Variants in PCDHA7 observed in about 807,000 individuals in gnomAD.
PCDHA7 encodes the protein protocadherin alpha 7, also known as protocadherin alpha-7.
In PCDHA7, 37 loss-of-function variants were observed where a neutral mutation model predicts 57.2. The ratio of observed to expected loss-of-function variants is 0.65; its 90% confidence interval spans 0.50 to 0.85. The LOEUF (loss-of-function observed/expected upper bound fraction) is 0.85, where lower values mean the gene tolerates loss of function less well. Ranked by LOEUF, PCDHA7 falls within the 40% of genes least tolerant of loss-of-function variation. The pLI, the probability that PCDHA7 is intolerant of heterozygous loss-of-function variation, is 0.00. For synonymous variants in PCDHA7, 553 were observed against 558.8 expected, an observed-to-expected ratio of 0.99 and a Z score of 0.15; for missense variants, 1,188 against 1,241.8, an observed-to-expected ratio of 0.96 and a Z score of 0.65.
chr5:140,860,530 T>C (rs1210536247), intron 1 of PCDHA7: 1 of 152,180 alleles, frequency 6.6e-6, no homozygotes, highest in Non-Finnish European at 1.5e-5. Flanking sequence ...GAATTCTGAT[T>C]TGTAAGACAA....
intron 1 of PCDHA7, among the ~76,000 whole-genome samples, chr5:140,895,253 C>A (rs2153449431): frequency 6.6e-6 from 1 of 152,084 alleles, no homozygotes; most frequent in East Asian, 1.9e-4. Context: ...TCAAAGCTTT[C>A]TTTTTTTTCT....
chr5:140,876,761 G>C (rs1554168887), intron 1 of PCDHA7: 2 of 1,614,238 alleles, frequency 1.2e-6, no homozygotes, highest in East Asian at 2.2e-5. Context: ...GCGCGGGATG[G>C]GGGCTCGCCT....
chr5:140,857,329 G>T (rs781793178), intron 1 of PCDHA7: 1 of 1,598,568 alleles, frequency 6.3e-7, no homozygotes. Context: ...TGACCGCGCG[G>T]GACGGGGGCT....
chr5:140,843,792 GT>G, intron 1 of PCDHA7: 1 of 1,356,394 alleles, frequency 7.4e-7, no homozygotes, highest in South Asian at 1.4e-5. Flanking sequence ...TTCAGATTTA[GT>G]TTTTCACCGT....
rs781872854 is a variant in PCDHA7 at position 140,856,136 on chromosome 5, C to T, written c.2355+19398C>T. On this transcript the variant is annotated intron_variant, in intron 1 of 3. Coordinates refer to ENST00000525929, the MANE Select transcript of PCDHA7 (RefSeq NM_018910.3). ...AGCCTGGGAGGTGGGGAGCGGCCAGCTCCACTACTCAGTCTACGAGGAGGC... is the reference window on the plus strand; with the variant it reads ...AGCCTGGGAGGTGGGGAGCGGCCAGTTCCACTACTCAGTCTACGAGGAGGC... 28 of 1,598,232 alleles carry T rather than the reference C, an allele frequency of 1.8e-5. 1 individual carries two copies. Among genetic ancestry groups the T allele is most frequent in the Non-Finnish European group, 2.4e-5 (28 of 1,167,860 alleles).
chr5:140,911,885 A>T (rs1242639819), intron 1 of PCDHA7, among the ~76,000 whole-genome samples: 1 of 152,216 alleles, frequency 6.6e-6, no homozygotes, highest in Non-Finnish European at 1.5e-5. Flanking sequence ...TCCTGGGACC[A>T]AAATCTGTAT....
intron 1 of PCDHA7, chr5:140,966,401 C>G (rs1218132824): frequency 2.5e-6 from 1 of 404,878 alleles, no homozygotes; most frequent in African/African-American, 2.1e-5. Flanking sequence ...CACTTCGGCG[C>G]GGAATCAGAG....
intron 1 of PCDHA7, chr5:140,843,282 A>T (rs2150356425): frequency 6.3e-6 from 10 of 1,595,910 alleles, no homozygotes; most frequent in Non-Finnish European, 7.7e-6. Context: ...GTGAAGGATC[A>T]TGGTGAACCT....
At position 140,990,592 on chromosome 5, in the gene PCDHA7, C is replaced by T. The variant is rs150978794; in HGVS notation, c.2503+8029C>T. On this transcript the variant is annotated intron_variant, in intron 3 of 3. Coordinates refer to ENST00000525929, the MANE Select transcript of PCDHA7 (RefSeq NM_018910.3). ...GTTCGATCTCTTTTCCTATAATCAC[C>T]TGGAGTCAGATGAATACCGTAAAGG... 2.7e-3 allele frequency among the ~76,000 whole-genome samples: 412 copies of T among 152,286 alleles called. 2 individuals are homozygous for T. Among genetic ancestry groups the T allele is most frequent in the African/African-American group, 9.5e-3 (395 of 41,556 alleles).
At chr5:140,965,893 C>G (rs1173111476) in intron 1 of PCDHA7, among the ~76,000 whole-genome samples, 1 of 152,226 alleles carries the variant, frequency 6.6e-6, no homozygotes, top group Non-Finnish European at 1.5e-5. Context: ...AGAATTGAGT[C>G]TTGGATCCCA....
At chr5:140,996,590 C>G (rs1325471388) in intron 3 of PCDHA7, among the ~76,000 whole-genome samples, 7 of 152,096 alleles carry the variant, frequency 4.6e-5, no homozygotes, top group African/African-American at 1.7e-4. Context: ...CAAGGGCCGC[C>G]TCCCCCCATT....
At chr5:140,957,189 G>T (rs1376112973) in intron 1 of PCDHA7, among the ~76,000 whole-genome samples, 1 of 152,174 alleles carries the variant, frequency 6.6e-6, no homozygotes, top group South Asian at 2.1e-4. Context: ...ATTGATGACC[G>T]ATTGGGAATA....
chr5:140,923,551 T>C (rs1398661049), intron 1 of PCDHA7, among the ~76,000 whole-genome samples: 1 of 152,146 alleles, frequency 6.6e-6, no homozygotes, highest in Non-Finnish European at 1.5e-5. Flanking sequence ...AAATGAAATA[T>C]CAGCAATGAA....
At chr5:140,927,118 G>C in intron 1 of PCDHA7, 1 of 1,613,946 alleles carries the variant, frequency 6.2e-7, no homozygotes, top group Non-Finnish European at 8.5e-7. Context: ...CGGCAATTTG[G>C]TGGTCAGAGA....
rs566700844 is a variant in PCDHA7, at chr5:140,926,191, C to T, written c.2356-52758C>T. On this transcript the variant is annotated intron_variant, in intron 1 of 3. Coordinates refer to ENST00000525929, the MANE Select transcript of PCDHA7 (RefSeq NM_018910.3). Reference sequence around the variant, plus strand: ...CCAGCGCGGAAAGCCCCCCGCAGCACTTCTTTCGGGGGGCTCCTGTTTCCT... The same window carrying T: ...CCAGCGCGGAAAGCCCCCCGCAGCATTTCTTTCGGGGGGCTCCTGTTTCCT... Among the ~76,000 whole-genome samples the T allele has an allele frequency of 8.1e-3, 1,227 of 151,838 alleles. 6 individuals carry two copies. Among genetic ancestry groups the T allele is most frequent in the African/African-American group, 0.019 (793 of 41,542 alleles).
chr5:140,842,302 T>A (rs1554138952), intron 1 of PCDHA7: 3 of 1,609,802 alleles, frequency 1.9e-6, no homozygotes, highest in Non-Finnish European at 2.6e-6. Flanking sequence ...ACAAAGGCCA[T>A]CCTCCCATGG....
intron 3 of PCDHA7, among the ~76,000 whole-genome samples, chr5:141,005,701 CAAAAAAA>C (rs59860837): frequency 1.3e-4 from 1 of 7,786 alleles, no homozygotes; most frequent in African/African-American, 4.7e-4. Context: ...AACTCCGTCT[CAAAAAAA>C]AAAAAAAAAA....
intron 1 of PCDHA7, among the ~76,000 whole-genome samples, chr5:140,919,297 G>C (rs1351756549): frequency 6.6e-6 from 1 of 152,120 alleles, no homozygotes; most frequent in African/African-American, 2.4e-5. Context: ...GTTGCTGTTT[G>C]TACAATATAT....
intron 1 of PCDHA7, among the ~76,000 whole-genome samples, chr5:140,941,202 C>CTTTCTTTCTTTCTTTCTTTCTTT (rs1554213921): frequency 9.0e-5 from 11 of 122,780 alleles, no homozygotes; most frequent in East Asian, 8.9e-4. Flanking sequence ...TTTCTTTCTT[C>CTTTCTTTCTTTCTTTCTTTCTTT]CTTTCTTTCT....
Sources: allele counts gnomAD v4.1 joint callset (sites outside exome capture counted in the v4.1 genomes callset), GRCh38; gene constraint gnomAD v4.1.1; transcripts MANE v1.5; gene names NCBI Gene and HGNC (gene_info 2026-07-23, HGNC 2026-07-21).